Variants in CNTN5 observed in about 807,000 individuals in gnomAD.
The protein encoded by CNTN5 is contactin 5.
CNTN5 carries 77 observed loss-of-function variants against 129.1 expected under a neutral mutation model. The observed-to-expected ratio is 0.60, with a 90% CI of 0.50 to 0.72. The LOEUF (loss-of-function observed/expected upper bound fraction) is 0.72, where lower values mean the gene tolerates loss of function less well. Ranked by LOEUF, CNTN5 falls within the 30% of genes least tolerant of loss-of-function variation. CNTN5 has a pLI of 0.00. For missense variants in CNTN5, 1,478 were observed against 1,328.8 expected (o/e 1.11, Z -1.75); for synonymous variants, 509 against 465.6 (o/e 1.09, Z -1.20).
At chr11:99,845,348 A>G in intron 6 of CNTN5, 86 bp downstream of exon 6, 2 of 530,324 alleles carry the variant, frequency 3.8e-6, no homozygotes, top group Non-Finnish European at 6.0e-6. Flanking sequence ...CAGGAAAGAA[A>G]AGCCTAAGAT....
At chr11:100,192,839 G>A (rs796347329) in intron 14 of CNTN5, among the ~76,000 whole-genome samples, 5 of 152,056 alleles carry the variant, frequency 3.3e-5, no homozygotes, top group African/African-American at 1.2e-4. Flanking sequence ...TTTCCATTCA[G>A]TGTTTCTACC....
intron 3 of CNTN5, among the ~76,000 whole-genome samples, chr11:99,779,984 G>T (rs760237031): frequency 6.6e-6 from 1 of 151,872 alleles, no homozygotes; most frequent in Non-Finnish European, 1.5e-5. Context: ...CACTCAAATT[G>T]TCCATAGTTT....
intron 6 of CNTN5, among the ~76,000 whole-genome samples, chr11:99,889,356 G>A (rs916556274): frequency 2.2e-3 from 73 of 32,936 alleles, no homozygotes; most frequent in South Asian, 3.9e-3. Context: ...GTGTGTGTGT[G>A]TATATATATC....
At chr11:100,140,615 G>A (rs1338404585) in intron 13 of CNTN5, among the ~76,000 whole-genome samples, 1 of 152,126 alleles carries the variant, frequency 6.6e-6, no homozygotes, top group Non-Finnish European at 1.5e-5. Context: ...AAGGCCAAAG[G>A]CCTGACCAGA....
intron 1 of CNTN5, among the ~76,000 whole-genome samples, chr11:99,237,356 A>G (rs11218984): frequency 0.03 from 4,558 of 152,202 alleles, 215 homozygotes; most frequent in African/African-American, 0.1. Context: ...TATTAGTTTT[A>G]TTATCCATTC....
intron 1 of CNTN5, among the ~76,000 whole-genome samples, chr11:99,067,499 C>A (rs1332771547): frequency 6.6e-6 from 1 of 151,006 alleles, no homozygotes; most frequent in Non-Finnish European, 1.5e-5. Context: ...TCATCTTTGT[C>A]ATTGAAATGC....
chr11:99,891,745 G>A (rs1443816861), intron 6 of CNTN5, among the ~76,000 whole-genome samples: 1 of 152,142 alleles, frequency 6.6e-6, no homozygotes, highest in Non-Finnish European at 1.5e-5. Flanking sequence ...GGGCATTTGG[G>A]TTGGTTCGAA....
chr11:99,217,334 C>T (rs1162658738), intron 1 of CNTN5, among the ~76,000 whole-genome samples: 1 of 152,130 alleles, frequency 6.6e-6, no homozygotes. Context: ...TAAAAACTGT[C>T]AACATTACTA....
intron 6 of CNTN5, among the ~76,000 whole-genome samples, chr11:99,910,949 G>A (rs1379925363): frequency 6.6e-6 from 1 of 152,052 alleles, no homozygotes; most frequent in African/African-American, 2.4e-5. Context: ...CAATCACTTT[G>A]CAAGTGAGGC....
At chr11:99,319,283 G>A (rs961501511) in intron 1 of CNTN5, among the ~76,000 whole-genome samples, 1 of 152,244 alleles carries the variant, frequency 6.6e-6, no homozygotes, top group Middle Eastern at 3.4e-3. Context: ...TCCTTAATGT[G>A]TCAAATGATA....
intron 3 of CNTN5, among the ~76,000 whole-genome samples, chr11:99,755,129 G>C (rs148085739): frequency 6.6e-6 from 1 of 151,968 alleles, no homozygotes; most frequent in Admixed American, 6.6e-5. Flanking sequence ...CCTCACTTGC[G>C]GAATGACATC....
intron 2 of CNTN5, among the ~76,000 whole-genome samples, chr11:99,506,870 A>C (rs958090480): frequency 1.3e-5 from 2 of 152,172 alleles, no homozygotes; most frequent in Admixed American, 6.5e-5. Flanking sequence ...TAATTGATCA[A>C]ATTTAATGAG....
chr11:99,870,945 G>A (rs1948489282), intron 6 of CNTN5, among the ~76,000 whole-genome samples: 1 of 152,042 alleles, frequency 6.6e-6, no homozygotes, highest in Non-Finnish European at 1.5e-5. Context: ...CCATATGGCC[G>A]ATTGTATTTC....
rs556156386 is a variant in CNTN5, at chr11:99,566,170, T to C, written c.55+9901T>C. Among the ~76,000 whole-genome samples the C allele has an allele frequency of 9.2e-5, 14 of 152,210 alleles. 1 individual carries two copies. The East Asian group carries it at 1.7e-3, about 19-fold the overall frequency. On this transcript the variant is annotated intron_variant, in intron 3 of 24. Transcript: ENST00000524871. The stretch of plus-strand genomic sequence containing the variant: ...TAGCTTGGTGCCCTCCTCTTGGTAA[T>C]GGGTGAGTTCTCACTCCGAATAACG...
chr11:99,941,941 A>G (rs1007327243), intron 7 of CNTN5, among the ~76,000 whole-genome samples: 1 of 152,074 alleles, frequency 6.6e-6, no homozygotes, highest in Non-Finnish European at 1.5e-5. Flanking sequence ...TAGGATGAAA[A>G]GAAAACACCT....
At chr11:99,408,380 A>AAAG (rs1555137697) in intron 2 of CNTN5, among the ~76,000 whole-genome samples, 2,599 of 134,034 alleles carry the variant, frequency 0.019, 87 homozygotes, top group African/African-American at 0.054. Context: ...AAAAAAAAAA[A>AAAG]AAAGAAAGAA....
chr11:99,857,492 A>G (rs898268440), intron 6 of CNTN5, among the ~76,000 whole-genome samples: 4 of 152,174 alleles, frequency 2.6e-5, no homozygotes, highest in African/African-American at 9.7e-5. Flanking sequence ...ATGCAGAAAT[A>G]CTTCATCGAT....
chr11:99,790,437 C>A (rs917797056), intron 3 of CNTN5, among the ~76,000 whole-genome samples: 1 of 151,570 alleles, frequency 6.6e-6, no homozygotes, highest in African/African-American at 2.4e-5. Flanking sequence ...GTTTTCTGTT[C>A]CAGCATTAGT....
chr11:100,283,316 C>T (rs1591472375), intron 18 of CNTN5, among the ~76,000 whole-genome samples: 1 of 152,148 alleles, frequency 6.6e-6, no homozygotes, highest in African/African-American at 2.4e-5. Context: ...AGAAAAAGTT[C>T]TCCCCACTCT....
Sources: gnomAD v4.1 joint callset for allele counts (sites outside exome capture counted in the v4.1 genomes callset) on GRCh38, gnomAD v4.1.1 for gene constraint, MANE v1.5 for transcripts, NCBI Gene and HGNC (gene_info 2026-07-23, HGNC 2026-07-21) for gene names.